The following SNX29 variants were observed in gnomAD, a reference collection of about 807,000 sequenced individuals.
SNX29 encodes the protein sorting nexin 29.
A neutral mutation model predicts 102.1 loss-of-function variants in SNX29; 78 were observed. The ratio of observed to expected loss-of-function variants is 0.76; its 90% CI spans 0.64 to 0.92. The LOEUF (loss-of-function observed/expected upper bound fraction) is 0.92, where lower values mean the gene tolerates loss of function less well. SNX29 is among the 40% of genes least tolerant of loss of function. The pLI is 0.00. For missense variants in SNX29, 1,280 were observed against 1,061.7 expected (o/e 1.21, Z -2.86); for synonymous variants, 580 against 414.5 (o/e 1.40, Z -4.85).
chr16:12,287,464 T>A (rs976086565), intron 15 of SNX29, among the ~76,000 whole-genome samples: 1 of 152,198 alleles, frequency 6.6e-6, no homozygotes, highest in Non-Finnish European at 1.5e-5. Flanking sequence ...TCAATAGTTA[T>A]CAACTCTTGT....
At chr16:12,399,207 C>G (rs538722337) in intron 17 of SNX29, among the ~76,000 whole-genome samples, 4 of 152,146 alleles carry the variant, frequency 2.6e-5, no homozygotes, top group African/African-American at 9.7e-5. Flanking sequence ...CACACCACCA[C>G]GCCTGGCTAA....
At chr16:12,416,751 G>T (rs1279764814) in intron 18 of SNX29, among the ~76,000 whole-genome samples, 1 of 152,092 alleles carries the variant, frequency 6.6e-6, no homozygotes, top group African/African-American at 2.4e-5. Context: ...GAGAGGAGGA[G>T]GTGTTACTCT....
At chr16:12,452,854 G>T (rs768181531) in intron 18 of SNX29, among the ~76,000 whole-genome samples, 4 of 152,118 alleles carry the variant, frequency 2.6e-5, no homozygotes, top group Non-Finnish European at 5.9e-5. Flanking sequence ...GTTCAAGTTG[G>T]GTTTTAAAAT....
chr16:12,104,554 T>TCAAA (rs1259204521), intron 11 of SNX29, among the ~76,000 whole-genome samples: 6 of 151,068 alleles, frequency 4.0e-5, no homozygotes, highest in Non-Finnish European at 8.8e-5. Context: ...AGACTCCATC[T>TCAAA]CAAACAAACA....
At chr16:12,456,516 T>C (rs920889521) in intron 18 of SNX29, among the ~76,000 whole-genome samples, 9 of 151,618 alleles carry the variant, frequency 5.9e-5, no homozygotes, top group Non-Finnish European at 1.2e-4. Flanking sequence ...CGTGTGTGTG[T>C]GTGTGTGTGT....
chr16:12,538,054 G>A lies in SNX29; in HGVS notation c.2318+13213G>A, dbSNP rs17240457. 3.4e-3 allele frequency among the ~76,000 whole-genome samples: 520 copies of A among 151,414 alleles called. 7 individuals carry two copies. The highest frequency in any genetic ancestry group is 0.011 in the African/African-American group (461 of 41,260). On this transcript the variant is annotated intron_variant, in intron 20 of 20. Transcript: ENST00000566228. ...CGTCCTGTCCTGCTAAAGTATAATC[G>A]ATCTTGGTGACAGCTTTCTTCTCAG...
chr16:12,459,953 C>T (rs1009999522), intron 18 of SNX29, among the ~76,000 whole-genome samples: 1 of 152,240 alleles, frequency 6.6e-6, no homozygotes, highest in Non-Finnish European at 1.5e-5. Flanking sequence ...CAGAGTTCCT[C>T]TCCAGAAGAG....
intron 3 of SNX29, among the ~76,000 whole-genome samples, chr16:12,025,948 A>G (rs1047337801): frequency 4.6e-5 from 7 of 152,232 alleles, no homozygotes; most frequent in Admixed American, 1.3e-4. Context: ...AGCTTCTTCA[A>G]GTGTAAAATG....
intron 16 of SNX29, among the ~76,000 whole-genome samples, chr16:12,362,825 C>T (rs1410595355): frequency 2.6e-5 from 4 of 152,124 alleles, no homozygotes; most frequent in African/African-American, 7.2e-5. Context: ...TATCACTGAT[C>T]AGTGTTATCT....
intron 19 of SNX29, among the ~76,000 whole-genome samples, chr16:12,497,651 C>T (rs1255622596): frequency 2.6e-5 from 4 of 152,182 alleles, no homozygotes; most frequent in African/African-American, 7.2e-5. Context: ...TGAGTCTTGC[C>T]TGTTGTATCT....
intron 11 of SNX29, chr16:12,081,186 CTTG>C (rs1190940727): frequency 2.6e-5 from 4 of 152,122 alleles, no homozygotes; most frequent in African/African-American, 7.2e-5. Context: ...GATACCCACT[CTTG>C]TTGTTCAAAA....
chr16:12,445,997 C>T (rs952703798), intron 18 of SNX29, among the ~76,000 whole-genome samples: 1 of 152,014 alleles, frequency 6.6e-6, no homozygotes, highest in African/African-American at 2.4e-5. Context: ...CGCTGCACAC[C>T]TGCTTCCATG....
At chr16:11,983,657 T>C (rs993668592) in intron 1 of SNX29, 1 of 985,410 alleles carries the variant, frequency 1.0e-6, no homozygotes, top group Non-Finnish European at 1.2e-6. Context: ...CAACTGGCGA[T>C]GGACTAGGTC....
At chr16:12,109,586 A>G (rs1162792155) in intron 11 of SNX29, among the ~76,000 whole-genome samples, 1 of 152,116 alleles carries the variant, frequency 6.6e-6, no homozygotes, top group Non-Finnish European at 1.5e-5. Flanking sequence ...CTAATTGTCT[A>G]CATCCGGGAC....
intron 14 of SNX29, among the ~76,000 whole-genome samples, chr16:12,250,889 G>A (rs1160876238): frequency 1.3e-5 from 2 of 152,188 alleles, no homozygotes; most frequent in East Asian, 3.9e-4. Flanking sequence ...AGTCCCCCTG[G>A]GCTGGTGCCT....
intron 13 of SNX29, among the ~76,000 whole-genome samples, chr16:12,150,583 A>C (rs1279777317): frequency 2.6e-5 from 4 of 152,240 alleles, no homozygotes; most frequent in Admixed American, 1.3e-4. Flanking sequence ...TAACAACCTG[A>C]GCCCTGTGGC....
intron 20 of SNX29, among the ~76,000 whole-genome samples, chr16:12,566,194 C>T (rs1362451407): frequency 6.6e-6 from 1 of 152,204 alleles, no homozygotes; most frequent in Non-Finnish European, 1.5e-5. Context: ...TGAATCCTTA[C>T]CACCACAGTA....
intron 15 of SNX29, among the ~76,000 whole-genome samples, chr16:12,293,304 G>A (rs2079863496): frequency 6.6e-6 from 1 of 152,198 alleles, no homozygotes; most frequent in Admixed American, 6.5e-5. Context: ...GGTGGTGGAT[G>A]CTGAGGCTCA....
At chr16:12,293,285 AAGGT>A (rs2151070481) in intron 15 of SNX29, among the ~76,000 whole-genome samples, 1 of 152,266 alleles carries the variant, frequency 6.6e-6, no homozygotes, top group Admixed American at 6.5e-5. Flanking sequence ...ACAACCTTGC[AAGGT>A]AGGCGGTGGT....
Sources: gnomAD v4.1 joint callset for allele counts (sites outside exome capture counted in the v4.1 genomes callset) on GRCh38, gnomAD v4.1.1 for gene constraint, MANE v1.5 for transcripts, NCBI Gene and HGNC (gene_info 2026-07-23, HGNC 2026-07-21) for gene names.